The following PHGDH variants were observed in gnomAD, a reference collection of about 807,000 sequenced individuals.
The protein encoded by PHGDH is phosphoglycerate dehydrogenase.
Under a neutral mutation model 52.6 loss-of-function variants are expected in PHGDH, and 50 were observed. That is an observed-to-expected ratio of 0.95 (90% CI 0.76 to 1.20). PHGDH has a LOEUF of 1.20. Ranked by LOEUF, PHGDH falls within the 50% of genes most tolerant of loss-of-function variation. The pLI is 0.00. For missense variants in PHGDH, 630 were observed against 684.6 expected (o/e 0.92, Z 0.89); for synonymous variants, 271 against 280.5 (o/e 0.97, Z 0.34).
chr1:119,727,019 C>A lies in PHGDH; in HGVS notation c.427C>A (p.Leu143Met), dbSNP rs143155925. Residue 143 changes from leucine to methionine, a missense_variant, in exon 5 of 12, where the codon CTG becomes ATG. Leu to Met is a conservative substitution (Grantham distance 15, BLOSUM62 2). Transcript: ENST00000641023. Reference protein sequence around the residue: ...WERKKFMGTELNGKTLGILGL... With the variant: ...WERKKFMGTEMNGKTLGILGL... The stretch of plus-strand genomic sequence containing the variant: ...TTGGTTGCAGTTCATGGGAACAGAG[C>A]TGAATGGAAAGACCCTGGGAATTCT... 7 of 1,613,286 alleles carry A rather than the reference C, an allele frequency of 4.3e-6. No individual in the cohort carries two copies. In the African/African-American group the frequency reaches 6.7e-5, roughly 15 times the overall value.
chr1:119,726,488 A>G (rs753257810), intron 3 of PHGDH: 30 of 394,188 alleles, frequency 7.6e-5, no homozygotes, highest in African/African-American at 1.4e-4. Context: ...GGAGTACTCG[A>G]TGTCATCAGA....
intron 5 of PHGDH, among the ~76,000 whole-genome samples, chr1:119,731,328 A>G (rs1651680804): frequency 6.6e-6 from 1 of 152,170 alleles, no homozygotes; most frequent in African/African-American, 2.4e-5. Flanking sequence ...TTGCTGAATG[A>G]CAGGTCGTGA....
intron 3 of PHGDH, among the ~76,000 whole-genome samples, chr1:119,724,115 C>G: frequency 6.6e-6 from 1 of 152,104 alleles, no homozygotes; most frequent in East Asian, 1.9e-4. Context: ...GTGCTTGAGT[C>G]TCAGTGTGTT....
At position 119,734,314 on chromosome 1, in the gene PHGDH, C is replaced by T. The variant is rs1651834765; in HGVS notation, c.511-320C>T. On this transcript the variant is annotated intron_variant, in intron 5 of 11. Transcript: ENST00000641023. ...TGATCACAGCATGGAGGCAGACGCA[C>T]CTTCTTTTGAGCTCTGGCTGTGCCC... 7.8e-6 allele frequency: 3 copies of T among 383,038 alleles called. No homozygotes were observed. In the Admixed American group the frequency reaches 1.1e-4, roughly 14 times the overall value. 23.7% of individuals were successfully genotyped at this position (383,038 alleles called of 1,614,324 possible).
chr1:119,731,977 G>C (rs1293340419), intron 5 of PHGDH, among the ~76,000 whole-genome samples: 1 of 152,224 alleles, frequency 6.6e-6, no homozygotes, highest in Non-Finnish European at 1.5e-5. Flanking sequence ...GAGGGGCCCA[G>C]GGAGACAGCA....
rs750843212 is a variant in PHGDH, at chr1:119,712,087, T to A, written c.65T>A (p.Ile22Asn). 1.9e-6 allele frequency: 3 copies of A among 1,614,078 alleles called. No homozygotes were observed. The highest frequency in any genetic ancestry group is 2.5e-6 in the Non-Finnish European group (3 of 1,179,954). ...AGCCTGGACCCTTGCTGCCGGAAGATCTTGCAAGATGGAGGGCTGCAGGTG... is the reference window on the plus strand; with the variant it reads ...AGCCTGGACCCTTGCTGCCGGAAGAACTTGCAAGATGGAGGGCTGCAGGTG... Reference protein sequence around the residue: ...SDSLDPCCRKILQDGGLQVVE... With the variant: ...SDSLDPCCRKNLQDGGLQVVE... Residue 22 changes from isoleucine to asparagine, a missense_variant, in exon 1 of 12, where the codon ATC (isoleucine) becomes AAC (asparagine). By Grantham distance (149) the Ile-to-Asn change is moderately radical (BLOSUM62 -3). Transcript: ENST00000641023.
At position 119,743,944 on chromosome 1, in the gene PHGDH, TGGG is replaced by T. The variant is rs781426251; in HGVS notation, c.1508_1510del (p.Gly503del). ...CCTACCAGACTTCACTGGTGTCAGA[TGGG>T]GAGACCTGGCACGTCATGGGCATCT... is the stretch of plus-strand genomic sequence containing the variant. On this transcript the variant is annotated inframe_deletion, in exon 12 of 12. Transcript: ENST00000641023. 1.2e-6 allele frequency: 2 copies of T among 1,613,834 alleles called. No individual in the cohort carries two copies. The highest frequency in any genetic ancestry group is 2.2e-5 in the South Asian group (2 of 91,078).
intron 11 of PHGDH, 61 bp from the exon 12 acceptor site, chr1:119,743,825 C>T: frequency 7.7e-7 from 1 of 1,294,594 alleles, no homozygotes; most frequent in South Asian, 1.2e-5. Context: ...ATTCTGCTCC[C>T]AATCCCTCGC....
At chr1:119,720,631 G>A (rs1178174079) in intron 1 of PHGDH, 1 of 187,972 alleles carries the variant, frequency 5.3e-6, no homozygotes, top group Non-Finnish European at 1.1e-5. Flanking sequence ...TAGCTTGGAA[G>A]GCAGGGGCCT....
At chr1:119,727,555 G>T (rs761325132) in intron 5 of PHGDH, 55 of 228,008 alleles carry the variant, frequency 2.4e-4, no homozygotes, top group Non-Finnish European at 4.3e-4. Flanking sequence ...TGTTGGCCGG[G>T]CGCGGTGGCT....
chr1:119,714,000 T>G (rs1240311913), intron 1 of PHGDH, among the ~76,000 whole-genome samples: 1 of 152,156 alleles, frequency 6.6e-6, no homozygotes, highest in African/African-American at 2.4e-5. Flanking sequence ...TTAAAGGCGC[T>G]GAAAACTCTT....
intron 5 of PHGDH, among the ~76,000 whole-genome samples, chr1:119,730,788 G>A (rs1002712807): frequency 6.6e-6 from 1 of 152,178 alleles, no homozygotes; most frequent in African/African-American, 2.4e-5. Context: ...AGGGATTAGT[G>A]CTTGGTGCTG....
At chr1:119,728,963 T>G (rs972088922) in intron 5 of PHGDH, among the ~76,000 whole-genome samples, 1 of 152,208 alleles carries the variant, frequency 6.6e-6, no homozygotes, top group East Asian at 1.9e-4. Flanking sequence ...AATTTTACAT[T>G]GACATCTAGA....
chr1:119,740,465 T>A lies in PHGDH; in HGVS notation c.1025T>A (p.Leu342Gln). 1 of 1,608,558 alleles carries A rather than the reference T, an allele frequency of 6.2e-7. No individual in the cohort carries two copies. The highest frequency in any genetic ancestry group is 8.5e-7 in the Non-Finnish European group (1 of 1,177,456). ...GGTCTGGCAGAAGCTCTGGGGACAC[T>A]GATGCGAGCCTGGGCTGGGTCCCCC... ...WIGLAEALGT[L>Q]MRAWAGSPKG... is the part of the protein sequence containing the mutation. Residue 342 changes from leucine to glutamine, a missense_variant, in exon 9 of 12, where the codon CTG becomes CAG. Coordinates refer to ENST00000641023, the MANE Select transcript of PHGDH (RefSeq NM_006623.4).
At chr1:119,727,137 T>C (rs753455680) in intron 5 of PHGDH, 35 bp downstream of exon 5, 40 of 1,316,186 alleles carry the variant, frequency 3.0e-5, no homozygotes, top group Non-Finnish European at 3.9e-5. Context: ...ATGTGGGACT[T>C]TCTGCAGCAA....
At position 119,711,962 on chromosome 1, in the gene PHGDH, C is replaced by G. The variant is rs1418436171; in HGVS notation, c.-61C>G. ...GTTACTCTAGCGCGCCAGGCCGAAC[C>G]GCAGCTTCTTGGCTTAGGTACTTCT... On this transcript the variant is annotated 5_prime_UTR_variant, in exon 1 of 12. Transcript: ENST00000641023. 2.5e-6 allele frequency: 4 copies of G among 1,596,072 alleles called. No individual in the cohort carries two copies. The highest frequency in any genetic ancestry group is 3.3e-5 in the Admixed American group (2 of 59,950).
chr1:119,732,768 C>A (rs1421586707), intron 5 of PHGDH, among the ~76,000 whole-genome samples: 1 of 152,228 alleles, frequency 6.6e-6, no homozygotes, highest in Non-Finnish European at 1.5e-5. Flanking sequence ...CTCCCTCCAG[C>A]CCCAGTCACC....
At chr1:119,740,335 G>C in intron 8 of PHGDH, 51 bp from the exon 9 acceptor site, 1 of 1,610,428 alleles carries the variant, frequency 6.2e-7, no homozygotes, top group South Asian at 1.1e-5. Context: ...CTTGATTCAG[G>C]ATCTGCCATG....
chr1:119,740,561 G>A, intron 9 of PHGDH, 43 bp downstream of exon 9: 1 of 1,500,884 alleles, frequency 6.7e-7, no homozygotes, highest in Non-Finnish European at 9.1e-7. Flanking sequence ...GAGGGGATGA[G>A]GGAGTGTGGG....
Sources: allele counts gnomAD v4.1 joint callset (sites outside exome capture counted in the v4.1 genomes callset), GRCh38; gene constraint gnomAD v4.1.1; transcripts MANE v1.5; gene names NCBI Gene and HGNC (gene_info 2026-07-23, HGNC 2026-07-21).